The following WDR6 variants were observed in gnomAD, a reference collection of about 807,000 sequenced individuals.
The protein encoded by WDR6 is WD repeat domain 6.
In WDR6, 58 loss-of-function variants were observed where a neutral mutation model predicts 85.6. The ratio of observed to expected loss-of-function variants is 0.68; its 90% CI spans 0.55 to 0.84. The LOEUF is 0.84. Among genes scored for constraint, WDR6 ranks in the 40% least tolerant of loss-of-function variants. WDR6 has a pLI of 0.00. For synonymous variants in WDR6, 569 were observed against 582.2 expected (o/e 0.98, Z 0.33); for missense variants, 1,310 against 1,476.4 (o/e 0.89, Z 1.85).
rs1189971133 is a variant in WDR6 at position 49,015,410 on chromosome 3, T to C, written c.*122T>C. The C allele has an allele frequency of 7.0e-7, 1 of 1,430,420 alleles. No homozygotes were observed. The highest frequency in any genetic ancestry group is 1.4e-5 in the African/African-American group (1 of 70,986). 88.6% of individuals were successfully genotyped at this position (1,430,420 alleles called of 1,614,324 possible). A position where few individuals can be genotyped will look rare whatever the true frequency, so the allele number is the denominator to read the frequency against. ...AGGGGAGGAGGTGGTGGCCGTGGGT[T>C]CCTGATGTCGGTGCAGGAGCTGAAG... On this transcript the variant is annotated 3_prime_UTR_variant, in exon 6 of 6. Coordinates refer to ENST00000608424, the MANE Select transcript of WDR6 (RefSeq NM_018031.6).
Position 49,011,685 on chromosome 3 carries a change from C to T in WDR6, c.151C>T (p.Arg51Trp), listed in dbSNP as rs1386175323. ...VYSLDFGGHL[R>W]MIKRVQNLLG... is the part of the protein sequence containing the mutation. ...CAGCTTGGACTTTGGTGGGCATCTG[C>T]GGATGATAAAGCGAGTGCAGAACCT... Residue 51 changes from arginine to tryptophan, a missense_variant, in exon 2 of 6, where the codon CGG becomes TGG. Transcript: ENST00000608424. 8.1e-6 allele frequency: 13 copies of T among 1,614,012 alleles called. No homozygotes were observed. The Admixed American group carries it at 1.5e-4, about 19-fold the overall frequency.
intron 1 of WDR6, among the ~76,000 whole-genome samples, chr3:49,010,466 G>A (rs1419247047): frequency 1.3e-5 from 2 of 150,278 alleles, no homozygotes; most frequent in African/African-American, 2.5e-5. Context: ...CTGTAATCCC[G>A]GCACTTTGGG....
At position 49,015,897 on chromosome 3, in the gene WDR6, G is replaced by A; in HGVS notation, c.*609G>A. On this transcript the variant is annotated 3_prime_UTR_variant, in exon 6 of 6. Transcript: ENST00000608424. ...TCTAGAGACAGAGACTGAGTCACTG[G>A]CCCATCTCTTTGCTCTTGTGCCCCA... 1 of 1,614,158 alleles carries A rather than the reference G, an allele frequency of 6.2e-7. No individual in the cohort carries two copies.
At chr3:49,010,325 A>C (rs2093007689) in intron 1 of WDR6, among the ~76,000 whole-genome samples, 1 of 150,050 alleles carries the variant, frequency 6.7e-6, no homozygotes, top group Non-Finnish European at 1.5e-5. Flanking sequence ...AGGATGGCGT[A>C]AACCTGGGAG....
Position 49,013,565 on chromosome 3 carries a change from G to C in WDR6, c.2031G>C (p.Gly677=). The change falls in exon 2 of 6, where the codon GGG becomes GGC. Residue 677 remains glycine (G), a synonymous_variant. Transcript: ENST00000608424. This position sits in a 1 kb window ranked among gnomAD's most constrained non-coding sequence, Gnocchi z 4.6. ...AAMAFAYLKD[G]DVMLYRALGG... is the part of the protein sequence containing the mutation. ...TGGCCTTTGCTTACCTCAAGGATGG[G>C]GATGTCATGCTGTACAGGGCTCTGG... The C allele has an allele frequency of 6.2e-7, 1 of 1,614,046 alleles. No homozygotes were observed. The highest frequency in any genetic ancestry group is 8.5e-7 in the Non-Finnish European group (1 of 1,180,002).
chr3:49,010,707 G>A (rs946301653), intron 1 of WDR6, among the ~76,000 whole-genome samples: 3 of 152,026 alleles, frequency 2.0e-5, no homozygotes, highest in Non-Finnish European at 4.4e-5. Context: ...AAAATTAGCC[G>A]GGCATGGGGG....
At position 49,012,278 on chromosome 3, in the gene WDR6, G is replaced by A. The variant is rs564217453; in HGVS notation, c.744G>A (p.Val248=). 1 of 1,614,264 alleles carries A rather than the reference G, an allele frequency of 6.2e-7. No homozygotes were observed. The highest frequency in any genetic ancestry group is 1.7e-5 in the Admixed American group (1 of 60,036). Residue 248 remains valine, a synonymous_variant, in exon 2 of 6, where the codon GTG becomes GTA. Transcript: ENST00000608424. The surrounding 1 kb of genome is among the most constrained non-coding windows in gnomAD (Gnocchi z 4.4). ...ACCTGCGAGTGCCTGGGGGTCGGGT[G>A]CAGAATATTGGGCACTGCTTTGGGC... ...VGDLRVPGGR[V]QNIGHCFGHS...
At chr3:49,010,236 C>A (rs572443491) in intron 1 of WDR6, among the ~76,000 whole-genome samples, 1 of 150,844 alleles carries the variant, frequency 6.6e-6, no homozygotes, top group African/African-American at 2.4e-5. Flanking sequence ...GAAACCCCGT[C>A]TCTACTAAAA....
At position 49,014,449 on chromosome 3, in the gene WDR6, A is replaced by G. The variant is rs2093038818; in HGVS notation, c.2733A>G (p.Arg911=). Residue 911 remains arginine, a synonymous_variant, in exon 4 of 6, where the codon CGA becomes CGG. Transcript: ENST00000608424. This position sits in a 1 kb window ranked among gnomAD's most constrained non-coding sequence, Gnocchi z 4.9. ...QLLAETFHHK[R]CVLKVHSFTH... ...TTGCTGAAACCTTCCACCATAAGCG[A>G]TGTGTCCTCAAGGTCCACTCCTTTA... 1.9e-6 allele frequency: 3 copies of G among 1,613,974 alleles called. No homozygotes were observed. Among genetic ancestry groups the G allele is most frequent in the South Asian group, 1.1e-5 (1 of 91,094 alleles).
intron 1 of WDR6, 181 bp from the exon 2 acceptor site, chr3:49,011,454 A>G: frequency 6.3e-7 from 1 of 1,575,836 alleles, no homozygotes; most frequent in Non-Finnish European, 8.6e-7. Context: ...TGCCCAGATT[A>G]CAGGCGTGAG....
rs2093028664 is a variant in WDR6, at chr3:49,013,344, G to A, written c.1810G>A (p.Val604Ile). ...LFVRDGQLQPVLRQKSCRGMN... is the reference protein window; with the variant it reads ...LFVRDGQLQPILRQKSCRGMN... ...TGTACGAGACGGCCAGCTCCAGCCA[G>A]TCCTAAGGCAGAAGTCCTGTCGAGG... Residue 604 changes from valine to isoleucine, a missense_variant, in exon 2 of 6, where the codon GTC (valine) becomes ATC (isoleucine). Transcript: ENST00000608424. This position sits in a 1 kb window ranked among gnomAD's most constrained non-coding sequence, Gnocchi z 4.6. The A allele has an allele frequency of 6.2e-7, 1 of 1,614,082 alleles. No homozygotes were observed. Among genetic ancestry groups the A allele is most frequent in the Non-Finnish European group, 8.5e-7 (1 of 1,180,030 alleles).
At position 49,012,810 on chromosome 3, in the gene WDR6, A is replaced by G. The variant is rs758526413; in HGVS notation, c.1276A>G (p.Thr426Ala). 1.1e-5 allele frequency: 18 copies of G among 1,613,760 alleles called. No homozygotes were observed. The highest frequency in any genetic ancestry group is 2.2e-5 in the East Asian group (1 of 44,870). Reference protein sequence around the residue: ...RVKVVPINTPTAAVDQTLFPG... With the variant: ...RVKVVPINTPAAAVDQTLFPG... ...CAAGGTTGTCCCCATCAACACTCCA[A>G]CTGCTGCTGTGGACCAGACCCTGTT... Residue 426 changes from threonine to alanine, a missense_variant, in exon 2 of 6, where the codon ACT (threonine) becomes GCT (alanine). Physicochemically the swap from Thr to Ala is moderately conservative, Grantham distance 58 (BLOSUM62 0). Transcript: ENST00000608424. The surrounding 1 kb of genome is among the most constrained non-coding windows in gnomAD (Gnocchi z 4.4).
Position 49,013,346 on chromosome 3 carries a change from C to G in WDR6, c.1812C>G (p.Val604=), listed in dbSNP as rs774254634. ...LFVRDGQLQP[V]LRQKSCRGMN... is the part of the protein sequence containing the mutation. ...TACGAGACGGCCAGCTCCAGCCAGT[C>G]CTAAGGCAGAAGTCCTGTCGAGGCA... is the stretch of plus-strand genomic sequence containing the variant. The change falls in exon 2 of 6, where the codon GTC becomes GTG. Residue 604 remains valine, a synonymous_variant. Coordinates refer to ENST00000608424, the MANE Select transcript of WDR6 (RefSeq NM_018031.6). The surrounding 1 kb of genome is among the most constrained non-coding windows in gnomAD (Gnocchi z 4.6). The G allele has an allele frequency of 3.1e-6, 5 of 1,614,166 alleles. No homozygotes were observed. The South Asian group carries it at 5.5e-5, about 18-fold the overall frequency.
rs1180115959 is a variant in WDR6 at position 49,012,789 on chromosome 3, G to A, written c.1255G>A (p.Val419Ile). The A allele has an allele frequency of 6.2e-7, 1 of 1,613,832 alleles. No individual in the cohort carries two copies. Among genetic ancestry groups the A allele is most frequent in the Non-Finnish European group, 8.5e-7 (1 of 1,179,990 alleles). ...AMANGEGRVKVVPINTPTAAV... is the reference protein window; with the variant it reads ...AMANGEGRVKIVPINTPTAAV... ...GGCCAATGGGGAAGGTCGTGTCAAG[G>A]TTGTCCCCATCAACACTCCAACTGC... The change falls in exon 2 of 6, where the codon GTT becomes ATT. Residue 419 changes from valine to isoleucine, a missense_variant. Coordinates refer to ENST00000608424, the MANE Select transcript of WDR6 (RefSeq NM_018031.6). This position sits in a 1 kb window ranked among gnomAD's most constrained non-coding sequence, Gnocchi z 4.4.
chr3:49,015,426 G>A lies in WDR6; in HGVS notation c.*138G>A. The A allele has an allele frequency of 7.1e-7, 1 of 1,408,322 alleles. No individual in the cohort carries two copies. Among genetic ancestry groups the A allele is most frequent in the Non-Finnish European group, 9.7e-7 (1 of 1,027,612 alleles). 87.2% of individuals were successfully genotyped at this position (1,408,322 alleles called of 1,614,324 possible). A position where few individuals can be genotyped will look rare whatever the true frequency, so the allele number is the denominator to read the frequency against. ...GCCGTGGGTTCCTGATGTCGGTGCAGGAGCTGAAGGTGAGTGGAGTGCTGC... is the reference window on the plus strand; with the variant it reads ...GCCGTGGGTTCCTGATGTCGGTGCAAGAGCTGAAGGTGAGTGGAGTGCTGC... On this transcript the variant is annotated 3_prime_UTR_variant, in exon 6 of 6. Coordinates refer to ENST00000608424, the MANE Select transcript of WDR6 (RefSeq NM_018031.6).
At chr3:49,008,662 G>A (rs2092998018) in intron 1 of WDR6, among the ~76,000 whole-genome samples, 1 of 152,178 alleles carries the variant, frequency 6.6e-6, no homozygotes, top group South Asian at 2.1e-4. Context: ...ATGGAGTCTG[G>A]GAGGAAAGGA....
intron 1 of WDR6, among the ~76,000 whole-genome samples, chr3:49,009,732 CTT>C (rs1174476985): frequency 6.2e-5 from 9 of 144,752 alleles, no homozygotes; most frequent in Admixed American, 2.1e-4. Context: ...TTTTATTTTA[CTT>C]TTTTTTTTTT....
chr3:49,015,417 G>T lies in WDR6; in HGVS notation c.*129G>T. 7.1e-7 allele frequency: 1 copy of T among 1,406,834 alleles called. No individual in the cohort carries two copies. Among genetic ancestry groups the T allele is most frequent in the Non-Finnish European group, 9.7e-7 (1 of 1,027,566 alleles). 87.1% of individuals were successfully genotyped at this position (1,406,834 alleles called of 1,614,324 possible). A position where few individuals can be genotyped will look rare whatever the true frequency, so the allele number is the denominator to read the frequency against. On this transcript the variant is annotated 3_prime_UTR_variant, in exon 6 of 6. Transcript: ENST00000608424. Reference sequence around the variant, plus strand: ...GAGGTGGTGGCCGTGGGTTCCTGATGTCGGTGCAGGAGCTGAAGGTGAGTG... The same window carrying T: ...GAGGTGGTGGCCGTGGGTTCCTGATTTCGGTGCAGGAGCTGAAGGTGAGTG...
Position 49,015,104 on chromosome 3 carries a change from C to T in WDR6, c.3182C>T (p.Ser1061Leu), listed in dbSNP as rs2093045715. Residue 1061 changes from serine to leucine, a missense_variant, in exon 6 of 6, where the codon TCA becomes TTA. Coordinates refer to ENST00000608424, the MANE Select transcript of WDR6 (RefSeq NM_018031.6). ...LKILSPSIMV[S>L]ASIDQRLTFW... The stretch of plus-strand genomic sequence containing the variant: ...ATCCTAAGCCCAAGCATCATGGTCT[C>T]AGCCTCCATTGATCAACGGCTGACC... The T allele has an allele frequency of 3.7e-6, 6 of 1,614,010 alleles. No individual in the cohort carries two copies. The South Asian group carries it at 5.5e-5, about 15-fold the overall frequency.
Sources: allele counts gnomAD v4.1 joint callset (sites outside exome capture counted in the v4.1 genomes callset), GRCh38; gene constraint gnomAD v4.1.1; non-coding constraint Gnocchi (gnomAD v3.1); transcripts MANE v1.5; gene names NCBI Gene and HGNC (gene_info 2026-07-23, HGNC 2026-07-21).